The following CNTN4 variants were observed in gnomAD, a reference collection of about 807,000 sequenced individuals.
CNTN4 encodes contactin 4.
A neutral mutation model predicts 122.5 loss-of-function variants in CNTN4; 77 were observed. That is an observed-to-expected ratio of 0.63 (90% CI 0.52 to 0.76). CNTN4 has a LOEUF of 0.76. Among genes scored for constraint, CNTN4 ranks in the 30% least tolerant of loss-of-function variants. The pLI is 0.00. For missense variants in CNTN4, 1,256 were observed against 1,259.1 expected, an observed-to-expected ratio of 1.00 and a Z score of 0.04; for synonymous variants, 512 against 447.0, an observed-to-expected ratio of 1.15 and a Z score of -1.83.
intron 2 of CNTN4, among the ~76,000 whole-genome samples, chr3:2,106,602 A>G (rs1030790683): frequency 3.9e-5 from 6 of 152,160 alleles, no homozygotes; most frequent in Admixed American, 2.0e-4. Flanking sequence ...TAGGCTGTAC[A>G]CAGCAGGGAG....
At chr3:2,660,902 G>C (rs1273315436) in intron 4 of CNTN4, among the ~76,000 whole-genome samples, 1 of 152,174 alleles carries the variant, frequency 6.6e-6, no homozygotes, top group Non-Finnish European at 1.5e-5. Flanking sequence ...CTCAAGCCCA[G>C]AATGGCAAAA....
chr3:2,814,516 G>A (rs1388422998), intron 6 of CNTN4, among the ~76,000 whole-genome samples: 1 of 152,108 alleles, frequency 6.6e-6, no homozygotes, highest in African/African-American at 2.4e-5. Flanking sequence ...ACAAAGAAAA[G>A]CAGAGGAATA....
At chr3:2,842,519 C>G (rs2093380754) in intron 7 of CNTN4, among the ~76,000 whole-genome samples, 1 of 152,172 alleles carries the variant, frequency 6.6e-6, no homozygotes, top group Non-Finnish European at 1.5e-5. Context: ...CTGCTTTAAA[C>G]TAGTAAGAAA....
intron 3 of CNTN4, among the ~76,000 whole-genome samples, chr3:2,567,632 C>T (rs1204696239): frequency 3.3e-5 from 5 of 152,164 alleles, no homozygotes; most frequent in Non-Finnish European, 2.9e-5. Context: ...TATAGATGGA[C>T]CACACAGCTG....
chr3:2,732,939 G>A (rs1434628645), intron 4 of CNTN4, among the ~76,000 whole-genome samples: 2 of 152,184 alleles, frequency 1.3e-5, no homozygotes, highest in African/African-American at 4.8e-5. Context: ...AGTGAGCTTG[G>A]TTAACTATGA....
chr3:2,892,029 T>C (rs1005461232), intron 10 of CNTN4, among the ~76,000 whole-genome samples: 1 of 152,236 alleles, frequency 6.6e-6, no homozygotes, highest in Non-Finnish European at 1.5e-5. Context: ...GATATGCTCA[T>C]TTCATTCCTA....
chr3:2,911,933 A>G (rs115467150), intron 12 of CNTN4, among the ~76,000 whole-genome samples: 2,170 of 152,274 alleles, frequency 0.014, 50 homozygotes, highest in African/African-American at 0.05. Flanking sequence ...AGAAAGCTGA[A>G]GGGTCTATGG....
intron 13 of CNTN4, among the ~76,000 whole-genome samples, chr3:2,942,248 A>G (rs1051251718): frequency 1.5e-4 from 23 of 152,224 alleles, no homozygotes; most frequent in African/African-American, 2.4e-5. Flanking sequence ...TAAAGATAAA[A>G]GTAAGTAATT....
chr3:2,290,754 T>C (rs1445197962), intron 2 of CNTN4, among the ~76,000 whole-genome samples: 1 of 152,208 alleles, frequency 6.6e-6, no homozygotes, highest in African/African-American at 2.4e-5. Flanking sequence ...ATTGAGTATA[T>C]ACTGCTGGGG....
chr3:2,694,883 A>G (rs952025115), intron 4 of CNTN4, among the ~76,000 whole-genome samples: 4 of 152,202 alleles, frequency 2.6e-5, no homozygotes, highest in African/African-American at 4.8e-5. Flanking sequence ...TTGTTTTTGT[A>G]TTAGTATACT....
intron 2 of CNTN4, among the ~76,000 whole-genome samples, chr3:2,217,219 C>G (rs915439110): frequency 6.6e-6 from 1 of 152,152 alleles, no homozygotes; most frequent in Non-Finnish European, 1.5e-5. Flanking sequence ...ACAACCCTCT[C>G]TTGTCTGCTT....
intron 3 of CNTN4, among the ~76,000 whole-genome samples, chr3:2,475,022 G>A (rs1377937827): frequency 2.0e-5 from 3 of 152,098 alleles, no homozygotes. Flanking sequence ...TTTTCTTAAT[G>A]AGAAGGAGGT....
At chr3:2,898,231 C>T (rs1298255140) in intron 10 of CNTN4, among the ~76,000 whole-genome samples, 1 of 152,158 alleles carries the variant, frequency 6.6e-6, no homozygotes, top group Non-Finnish European at 1.5e-5. Flanking sequence ...TACTTCATTT[C>T]TGATCTTCAT....
At chr3:2,708,333 A>G (rs969622089) in intron 4 of CNTN4, among the ~76,000 whole-genome samples, 1 of 152,200 alleles carries the variant, frequency 6.6e-6, no homozygotes, top group Non-Finnish European at 1.5e-5. Flanking sequence ...ACAAAAAGTA[A>G]TCATTTACAT....
intron 4 of CNTN4, among the ~76,000 whole-genome samples, chr3:2,637,256 A>G (rs2082700668): frequency 1.3e-5 from 2 of 151,910 alleles, no homozygotes; most frequent in Non-Finnish European, 1.5e-5. Context: ...TTTTCTTTAC[A>G]TACACAAGGT....
rs111484035 is a variant in CNTN4 at position 2,574,996 on chromosome 3, T to A, written c.55+3438T>A. Among the ~76,000 whole-genome samples, 3 of 152,254 alleles carry A rather than the reference T, an allele frequency of 2.0e-5. No homozygotes were observed. The East Asian group carries it at 5.8e-4, about 29-fold the overall frequency. ...ATGCAGTTCCTAGTCCACCACTTTG[T>A]GACACTTTATTTCAAATGTTTGCTT... On this transcript the variant is annotated intron_variant, in intron 4 of 24. Coordinates refer to ENST00000418658, the MANE Select transcript of CNTN4 (RefSeq NM_175607.3).
chr3:2,547,449 A>G (rs2149337319), intron 3 of CNTN4, among the ~76,000 whole-genome samples: 1 of 152,100 alleles, frequency 6.6e-6, no homozygotes, highest in Non-Finnish European at 1.5e-5. Flanking sequence ...TATTTTTAGT[A>G]AAGATGGGGT....
At chr3:2,906,276 A>G (rs1038602770) in intron 12 of CNTN4, among the ~76,000 whole-genome samples, 2 of 152,186 alleles carry the variant, frequency 1.3e-5, no homozygotes, top group East Asian at 1.9e-4. Flanking sequence ...GTATAACACG[A>G]TGATTATAGT....
At position 2,811,785 on chromosome 3, in the gene CNTN4, G is replaced by C. The variant is rs1576888298; in HGVS notation, c.359-7701G>C. 3.5e-5 allele frequency among the ~76,000 whole-genome samples: 5 copies of C among 141,574 alleles called. No individual in the cohort carries two copies. In the South Asian group the frequency reaches 1.2e-3, roughly 33 times the overall value. The allele number at this position is 141,574 out of a possible 152,430, so 92.9% of individuals were successfully genotyped here. On this transcript the variant is annotated intron_variant, in intron 6 of 24. Coordinates refer to ENST00000418658, the MANE Select transcript of CNTN4 (RefSeq NM_175607.3). ...GTTCAAGCAATTCTCCTGCCTCTCA[G>C]CCTCCAGAGCAGCTGGGACTACAGC...
Sources: allele counts gnomAD v4.1 joint callset (sites outside exome capture counted in the v4.1 genomes callset), GRCh38; gene constraint gnomAD v4.1.1; transcripts MANE v1.5; gene names NCBI Gene and HGNC (gene_info 2026-07-23, HGNC 2026-07-21).